The following PTPRO variants were observed in gnomAD, a reference collection of about 807,000 sequenced individuals.
PTPRO encodes the protein protein tyrosine phosphatase receptor type O.
Under a neutral mutation model 145.2 loss-of-function variants are expected in PTPRO, and 62 were observed. The observed-to-expected ratio is 0.43, with a 90% CI of 0.35 to 0.53. The LOEUF (loss-of-function observed/expected upper bound fraction) is 0.53. Among genes scored for constraint, PTPRO ranks in the 20% least tolerant of loss-of-function variants. PTPRO has a pLI of 0.01. For missense variants in PTPRO, 1,345 were observed against 1,482.7 expected, an observed-to-expected ratio of 0.91 and a Z score of 1.53; for synonymous variants, 565 against 514.7, an observed-to-expected ratio of 1.10 and a Z score of -1.32.
chr12:15,578,432 T>A (rs1457674069), intron 19 of PTPRO, among the ~76,000 whole-genome samples: 1 of 152,218 alleles, frequency 6.6e-6, no homozygotes, highest in East Asian at 1.9e-4. Flanking sequence ...ACCACAATAA[T>A]GCTGTATAAG....
At chr12:15,448,978 G>T (rs971084499) in intron 1 of PTPRO, among the ~76,000 whole-genome samples, 3 of 146,210 alleles carry the variant, frequency 2.1e-5, no homozygotes, top group Non-Finnish European at 4.6e-5. Flanking sequence ...AATACATATA[G>T]AATATTGATA....
At chr12:15,432,122 T>C (rs965030567) in intron 1 of PTPRO, among the ~76,000 whole-genome samples, 1 of 152,140 alleles carries the variant, frequency 6.6e-6, no homozygotes, top group Non-Finnish European at 1.5e-5. Flanking sequence ...TAGTACCCAT[T>C]TGTTATTTTT....
chr12:15,546,955 A>G (rs1041159028), intron 13 of PTPRO, among the ~76,000 whole-genome samples: 1 of 152,222 alleles, frequency 6.6e-6, no homozygotes, highest in African/African-American at 2.4e-5. Flanking sequence ...CAAAGGAATA[A>G]AGGTAGTAGG....
intron 1 of PTPRO, among the ~76,000 whole-genome samples, chr12:15,414,838 T>C (rs1939901508): frequency 6.6e-6 from 1 of 152,190 alleles, no homozygotes; most frequent in African/African-American, 2.4e-5. Flanking sequence ...AAACGGGAAT[T>C]TAATCACCTA....
At chr12:15,360,318 T>A (rs1193456037) in intron 1 of PTPRO, among the ~76,000 whole-genome samples, 1 of 152,094 alleles carries the variant, frequency 6.6e-6, no homozygotes, top group Non-Finnish European at 1.5e-5. Context: ...ACAAGAAGAG[T>A]GACCTGAGAC....
At chr12:15,536,619 A>C (rs1297049691) in intron 12 of PTPRO, among the ~76,000 whole-genome samples, 1 of 152,208 alleles carries the variant, frequency 6.6e-6, no homozygotes, top group Non-Finnish European at 1.5e-5. Flanking sequence ...AGAGGCGCAT[A>C]ACCTAACGGG....
chr12:15,358,818 A>C (rs1319489382), intron 1 of PTPRO, among the ~76,000 whole-genome samples: 1 of 152,256 alleles, frequency 6.6e-6, no homozygotes, highest in Admixed American at 6.5e-5. Context: ...TCCCAGGCCA[A>C]CATCGAAAGT....
chr12:15,388,823 C>T (rs1014457488), intron 1 of PTPRO, among the ~76,000 whole-genome samples: 4 of 151,992 alleles, frequency 2.6e-5, no homozygotes, highest in Admixed American at 6.6e-5. Flanking sequence ...GAAATTGTTG[C>T]CATAGCTAGC....
Position 15,371,235 on chromosome 12 carries a change from C to CTTTTTTTTTTTTTTTTTTT in PTPRO, c.75+48435_75+48436insTTTTTTTTTTTTTTTTTTT, listed in dbSNP as rs549514481. Among the ~76,000 whole-genome samples, 2 of 142,286 alleles carry CTTTTTTTTTTTTTTTTTTT rather than the reference C, an allele frequency of 1.4e-5. 1 individual carries two copies. The allele number at this position is 142,286 out of a possible 152,430, so 93.3% of individuals were successfully genotyped here. A position where few individuals can be genotyped will look rare whatever the true frequency, so the allele number is the denominator to read the frequency against. On this transcript the variant is annotated intron_variant, in intron 1 of 26. Coordinates refer to ENST00000281171, the MANE Select transcript of PTPRO (RefSeq NM_030667.3). ...AATAAAGAACATAACCTCAAGCTCACTATTTTTTTTTTTTTTAGACCGAGT... is the reference window on the plus strand; with the variant it reads ...AATAAAGAACATAACCTCAAGCTCACTTTTTTTTTTTTTTTTTTTTATTTTTTTTTTTTTTAGACCGAGT...
At chr12:15,423,049 A>C (rs554030539) in intron 1 of PTPRO, among the ~76,000 whole-genome samples, 2 of 152,352 alleles carry the variant, frequency 1.3e-5, no homozygotes, top group East Asian at 3.9e-4. Context: ...GAAAGTGAGA[A>C]AGAGAAAATA....
chr12:15,460,388 A>T (rs903231989), intron 1 of PTPRO, among the ~76,000 whole-genome samples: 1 of 152,120 alleles, frequency 6.6e-6, no homozygotes, highest in Non-Finnish European at 1.5e-5. Context: ...ATACATTTTG[A>T]TGCTTTTCTC....
chr12:15,578,339 T>C (rs535131814), intron 19 of PTPRO, among the ~76,000 whole-genome samples: 1 of 152,360 alleles, frequency 6.6e-6, no homozygotes, highest in South Asian at 2.1e-4. Context: ...TTTCATACCC[T>C]GAGTGTTATA....
intron 2 of PTPRO, among the ~76,000 whole-genome samples, chr12:15,485,583 G>T (rs937729741): frequency 1.3e-5 from 2 of 151,984 alleles, no homozygotes; most frequent in South Asian, 4.1e-4. Context: ...AGACCCGGGG[G>T]GAAAAATTAA....
In PTPRO at chr12:15,546,549, A is replaced by T. The variant is rs764863227; in HGVS notation, c.2165-20A>T. 1.9e-5 allele frequency: 30 copies of T among 1,564,496 alleles called. No homozygotes were observed. The highest frequency in any genetic ancestry group is 1.5e-4 in the African/African-American group (11 of 73,306). On this transcript the variant is annotated intron_variant, in intron 12 of 26. Coordinates refer to ENST00000281171, the MANE Select transcript of PTPRO (RefSeq NM_030667.3). ...ACACTTAGTAAATTAAATTTTTTTT[A>T]AAACTTTGTCTTTGCTCAGAACCAG...
intron 2 of PTPRO, among the ~76,000 whole-genome samples, chr12:15,484,980 G>T (rs763127158): frequency 1.3e-5 from 2 of 152,080 alleles, no homozygotes; most frequent in Admixed American, 1.3e-4. Context: ...TAAGACAGTA[G>T]AGTTTATCAC....
intron 13 of PTPRO, among the ~76,000 whole-genome samples, chr12:15,548,687 T>C (rs1198622092): frequency 2.0e-5 from 3 of 152,120 alleles, no homozygotes; most frequent in African/African-American, 7.2e-5. Context: ...TGGTATGTCC[T>C]TTCAACGGAT....
chr12:15,344,907 T>C (rs147633487), intron 1 of PTPRO, among the ~76,000 whole-genome samples: 55 of 152,334 alleles, frequency 3.6e-4, no homozygotes, highest in African/African-American at 7.5e-4. Context: ...TTTCCCAAGG[T>C]TGAAATGGGA....
At chr12:15,346,279 G>T (rs1208014698) in intron 1 of PTPRO, among the ~76,000 whole-genome samples, 4 of 152,166 alleles carry the variant, frequency 2.6e-5, no homozygotes, top group African/African-American at 9.7e-5. Context: ...AACAAACCAT[G>T]TCATAGAGAA....
intron 1 of PTPRO, among the ~76,000 whole-genome samples, chr12:15,334,967 T>C (rs1000553667): frequency 9.9e-5 from 15 of 152,122 alleles, no homozygotes; most frequent in African/African-American, 3.6e-4. Context: ...ATTAAGCTAA[T>C]TGTCACACAT....
Sources: gnomAD v4.1 joint callset for allele counts (sites outside exome capture counted in the v4.1 genomes callset) on GRCh38, gnomAD v4.1.1 for gene constraint, MANE v1.5 for transcripts, NCBI Gene and HGNC (gene_info 2026-07-23, HGNC 2026-07-21) for gene names.